GRK3: variants seen among roughly 807,000 people sequenced by gnomAD.
The protein encoded by GRK3 is adrenergic, beta, receptor kinase 2.
A neutral mutation model predicts 95.7 loss-of-function variants in GRK3; 54 were observed. The ratio of observed to expected loss-of-function variants is 0.56; its 90% CI spans 0.45 to 0.71. The LOEUF is 0.71. Among genes scored for constraint, GRK3 ranks in the 30% least tolerant of loss-of-function variants. GRK3 has a pLI of 0.00. For missense variants in GRK3, 649 were observed against 851.2 expected (o/e 0.76, Z 2.96); for synonymous variants, 281 against 290.8 (o/e 0.97, Z 0.34).
At chr22:25,662,509 C>T (rs117982357) in intron 4 of GRK3, among the ~76,000 whole-genome samples, 2,393 of 152,274 alleles carry the variant, frequency 0.016, 30 homozygotes, top group Middle Eastern at 0.065. Context: ...CAGCACTGGT[C>T]ATGGTATTGG....
intron 2 of GRK3, among the ~76,000 whole-genome samples, chr22:25,643,135 A>G (rs1385455491): frequency 6.6e-6 from 1 of 152,228 alleles, no homozygotes; most frequent in African/African-American, 2.4e-5. Context: ...GATTACTCTT[A>G]AAATCAGAAT....
At chr22:25,716,388 A>C (rs2085385160) in intron 18 of GRK3, among the ~76,000 whole-genome samples, 1 of 152,118 alleles carries the variant, frequency 6.6e-6, no homozygotes, top group Admixed American at 6.6e-5. Flanking sequence ...GACTTGCTCA[A>C]GGGGGGGTCA....
chr22:25,660,484 C>A (rs2084902414), intron 3 of GRK3, among the ~76,000 whole-genome samples: 1 of 152,156 alleles, frequency 6.6e-6, no homozygotes. Context: ...TAAGATGTTC[C>A]TGGGAATTTC....
chr22:25,662,597 T>C (rs946526595), intron 4 of GRK3, among the ~76,000 whole-genome samples: 7 of 152,202 alleles, frequency 4.6e-5, no homozygotes, highest in African/African-American at 1.7e-4. Context: ...AAAGAGGACG[T>C]CTCTTTCTTG....
At chr22:25,574,086 A>T (rs1171007340) in intron 1 of GRK3, among the ~76,000 whole-genome samples, 1 of 152,196 alleles carries the variant, frequency 6.6e-6, no homozygotes, top group African/African-American at 2.4e-5. Context: ...TTGTGTCATT[A>T]AGTCGGTCCA....
At chr22:25,581,628 G>C (rs528370883) in intron 1 of GRK3, among the ~76,000 whole-genome samples, 35 of 152,052 alleles carry the variant, frequency 2.3e-4, no homozygotes, top group African/African-American at 8.0e-4. Context: ...TGACCTGAAG[G>C]CTTGCTATAG....
chr22:25,571,865 T>A lies in GRK3; in HGVS notation c.113+6712T>A, dbSNP rs114150095. On this transcript the variant is annotated intron_variant, in intron 1 of 20. Transcript: ENST00000324198. ...GATACCTTACTCACACTTTTTTTTT[T>A]AAAATTATACTTTAAGTTCTAGGGT... Among the ~76,000 whole-genome samples the A allele has an allele frequency of 9.5e-4, 145 of 151,914 alleles. 1 individual carries two copies. In the Middle Eastern group the frequency reaches 0.028, roughly 29 times the overall value.
intron 11 of GRK3, among the ~76,000 whole-genome samples, chr22:25,689,683 T>A (rs533721439): frequency 6.6e-6 from 1 of 152,330 alleles, no homozygotes; most frequent in South Asian, 2.1e-4. Flanking sequence ...ATGACACTTA[T>A]TGGGATTAGT....
chr22:25,676,564 G>A (rs764881315), intron 8 of GRK3, among the ~76,000 whole-genome samples: 11 of 151,828 alleles, frequency 7.2e-5, no homozygotes, highest in Admixed American at 1.3e-4. Flanking sequence ...TGTCATGGGC[G>A]CCTCTAGTCC....
At position 25,681,575 on chromosome 22, in the gene GRK3, G is replaced by A. The variant is rs562390892; in HGVS notation, c.747+2660G>A. Among the ~76,000 whole-genome samples, 12 of 152,148 alleles carry A rather than the reference G, an allele frequency of 7.9e-5. 1 individual carries two copies. The highest frequency in any genetic ancestry group is 2.4e-4 in the African/African-American group (10 of 41,498). ...CAGACCGTGAAGGGCATCGCCGGCC[G>A]ATCTTGAGGAGCCTAAATGATCTGA... On this transcript the variant is annotated intron_variant, in intron 9 of 20. Transcript: ENST00000324198.
At chr22:25,644,734 T>G in intron 3 of GRK3, 69 bp downstream of exon 3, 1 of 738,968 alleles carries the variant, frequency 1.4e-6, no homozygotes, top group Non-Finnish European at 2.2e-6. Flanking sequence ...TGGAACATAT[T>G]AAGACTACTT....
At chr22:25,697,020 A>G (rs892204349) in intron 13 of GRK3, among the ~76,000 whole-genome samples, 9 of 152,244 alleles carry the variant, frequency 5.9e-5, no homozygotes, top group Admixed American at 5.9e-4. Flanking sequence ...CACCCAGGAG[A>G]TCTTTATTTT....
intron 3 of GRK3, among the ~76,000 whole-genome samples, chr22:25,657,696 G>A (rs1279565392): frequency 6.6e-6 from 1 of 151,802 alleles, no homozygotes; most frequent in African/African-American, 2.4e-5. Context: ...TCTTGAATCT[G>A]TAAATTTATA....
intron 5 of GRK3, among the ~76,000 whole-genome samples, chr22:25,664,902 A>G (rs1296589931): frequency 6.6e-6 from 1 of 152,232 alleles, no homozygotes; most frequent in Non-Finnish European, 1.5e-5. Flanking sequence ...CTTAGAGCAT[A>G]TTTAGATAGT....
At chr22:25,708,414 C>T (rs1346566786) in intron 15 of GRK3, among the ~76,000 whole-genome samples, 1 of 152,078 alleles carries the variant, frequency 6.6e-6, no homozygotes, top group Non-Finnish European at 1.5e-5. Context: ...TGCCTGCATC[C>T]TCTGAGTGGG....
chr22:25,662,053 T>G (rs2084912927), intron 4 of GRK3, among the ~76,000 whole-genome samples: 2 of 152,250 alleles, frequency 1.3e-5, no homozygotes, highest in African/African-American at 2.4e-5. Context: ...AAATTTTAAA[T>G]GGTCTCTTTG....
chr22:25,569,292 T>C (rs1931601179), intron 1 of GRK3, among the ~76,000 whole-genome samples: 2 of 152,244 alleles, frequency 1.3e-5, no homozygotes, highest in South Asian at 4.1e-4. Flanking sequence ...TGTTCTGACC[T>C]TTCAGTTATT....
chr22:25,667,942 T>G (rs1242859842), intron 6 of GRK3, 142 bp downstream of exon 6: 3 of 581,822 alleles, frequency 5.2e-6, no homozygotes, highest in Non-Finnish European at 9.2e-6. Flanking sequence ...AGGCTTTGTG[T>G]TAAACTGTTT....
chr22:25,685,066 A>C (rs991484277), intron 9 of GRK3, 104 bp from the exon 10 acceptor site: 2 of 757,752 alleles, frequency 2.6e-6, no homozygotes, highest in Admixed American at 4.3e-5. Context: ...TGTGTCAATT[A>C]AAAAATAAAG....
Sources: allele counts gnomAD v4.1 joint callset (sites outside exome capture counted in the v4.1 genomes callset), GRCh38; gene constraint gnomAD v4.1.1; transcripts MANE v1.5; gene names NCBI Gene and HGNC (gene_info 2026-07-23, HGNC 2026-07-21).